Variants in LAT2 observed in about 807,000 individuals in gnomAD.
The protein encoded by LAT2 is linker for activation of T cells family member 2.
Under a neutral mutation model 43.4 loss-of-function variants are expected in LAT2, and 23 were observed. The ratio of observed to expected loss-of-function variants is 0.53; its 90% CI spans 0.38 to 0.75. The LOEUF is 0.75. Ranked by LOEUF, LAT2 falls within the 30% of genes least tolerant of loss-of-function variation. The probability of loss-of-function intolerance (pLI) is 0.00; values close to 1 mark genes in which losing one functional copy is unlikely to be tolerated. For synonymous variants in LAT2, 128 were observed against 123.2 expected, an observed-to-expected ratio of 1.04 and a Z score of -0.26; for missense variants, 284 against 310.2, an observed-to-expected ratio of 0.92 and a Z score of 0.64.
chr7:74,222,167 C>T (rs960645926), intron 10 of LAT2, among the ~76,000 whole-genome samples: 10 of 150,502 alleles, frequency 6.6e-5, no homozygotes, highest in Admixed American at 2.7e-4. Flanking sequence ...GGGTGGATCA[C>T]CTGAGGTCAG....
At chr7:74,226,787 A>G (rs1802506000) in intron 13 of LAT2, among the ~76,000 whole-genome samples, 2 of 152,172 alleles carry the variant, frequency 1.3e-5, no homozygotes, top group African/African-American at 2.4e-5. Context: ...CAGTGTTGCA[A>G]TTTAAGGAAG....
rs1802280704 is a variant in LAT2 at position 74,221,551 on chromosome 7, C to T, written c.333-86C>T. Reference sequence around the variant, plus strand: ...CCAAGAGGAGCAATGGTGGGAGCAGCCCTGGCCTCACCGCCCCCTTATGGA... The same window carrying T: ...CCAAGAGGAGCAATGGTGGGAGCAGTCCTGGCCTCACCGCCCCCTTATGGA... On this transcript the variant is annotated intron_variant, in intron 9 of 13. Coordinates refer to ENST00000460943, the MANE Select transcript of LAT2 (RefSeq NM_032464.3). 1.5e-5 allele frequency: 15 copies of T among 1,022,928 alleles called. No homozygotes were observed. The South Asian group carries it at 2.0e-4, about 14-fold the overall frequency. 63.4% of individuals were successfully genotyped at this position (1,022,928 alleles called of 1,614,324 possible).
At chr7:74,228,801 AG>A (rs1349673837) in intron 13 of LAT2, 142 bp from the exon 14 acceptor site, 1 of 151,768 alleles carries the variant, frequency 6.6e-6, no homozygotes, top group Non-Finnish European at 1.5e-5. Context: ...AAAAAAAAAA[AG>A]AAACCCAGTT....
intron 9 of LAT2, among the ~76,000 whole-genome samples, chr7:74,221,349 A>T (rs1326135525): frequency 7.5e-6 from 1 of 132,946 alleles, no homozygotes; most frequent in Admixed American, 8.8e-5. Context: ...TGGGAGGCTG[A>T]GGTTGCAGTG....
At chr7:74,225,104 C>A (rs1167227686) in intron 13 of LAT2, 2 of 187,916 alleles carry the variant, frequency 1.1e-5, no homozygotes, top group Non-Finnish European at 2.2e-5. Context: ...GAAGACATCG[C>A]ACACACGGCC....
rs200835890 is a variant in LAT2 at position 74,211,932 on chromosome 7, CTGTT to C, written c.-219+1849_-219+1852del. 3.6e-3 allele frequency among the ~76,000 whole-genome samples: 553 copies of C among 151,902 alleles called. 8 individuals carry two copies. The East Asian group carries it at 0.061, about 17-fold the overall frequency. On this transcript the variant is annotated intron_variant, in intron 1 of 13. Coordinates refer to ENST00000460943, the MANE Select transcript of LAT2 (RefSeq NM_032464.3). ...ATTCAGTCTGGGGGCAGACACATGACTGTTTGTTAAATTTCATTTTTTGTTTTTA... is the reference window on the plus strand; with the variant it reads ...ATTCAGTCTGGGGGCAGACACATGACTGTTAAATTTCATTTTTTGTTTTTA...
In LAT2 at chr7:74,214,269, AAT is replaced by A. The variant is rs1192686663; in HGVS notation, c.-218-543_-218-542del. On this transcript the variant is annotated intron_variant, in intron 1 of 13. Coordinates refer to ENST00000460943, the MANE Select transcript of LAT2 (RefSeq NM_032464.3). ...ATATATATAAATATATATATATGAA[AAT>A]ATATATATAAATATATATATGAAAA... 3.8e-4 allele frequency among the ~76,000 whole-genome samples: 27 copies of A among 71,864 alleles called. 1 individual carries two copies. Among genetic ancestry groups the A allele is most frequent in the Non-Finnish European group, 5.5e-4 (24 of 43,748 alleles). The allele number at this position is 71,864 out of a possible 152,430, so 47.1% of individuals were successfully genotyped here. A position where few individuals can be genotyped will look rare whatever the true frequency, so the allele number is the denominator to read the frequency against.
intron 1 of LAT2, among the ~76,000 whole-genome samples, chr7:74,212,306 A>C (rs1801760436): frequency 1.3e-5 from 2 of 151,294 alleles, no homozygotes; most frequent in African/African-American, 4.9e-5. Context: ...TTTGAGATGG[A>C]GTCTCACTCT....
At chr7:74,223,041 T>C (rs1443299843) in intron 10 of LAT2, among the ~76,000 whole-genome samples, 1 of 152,172 alleles carries the variant, frequency 6.6e-6, no homozygotes, top group Non-Finnish European at 1.5e-5. Context: ...CCCTGCCCTA[T>C]CTGGAAGAGT....
rs1554714927 is a variant in LAT2 at position 74,220,200 on chromosome 7, C to T, written c.228-17C>T. 6.2e-7 allele frequency: 1 copy of T among 1,601,130 alleles called. No individual in the cohort carries two copies. The highest frequency in any genetic ancestry group is 8.5e-7 in the Non-Finnish European group (1 of 1,172,874). Reference sequence around the variant, plus strand: ...CTACAGCCCCTCCTTTAACTCCCTCCTTCCCCCTCCCTGCAGGAAGGACAA... The same window carrying T: ...CTACAGCCCCTCCTTTAACTCCCTCTTTCCCCCTCCCTGCAGGAAGGACAA... On this transcript the variant is annotated splice_polypyrimidine_tract_variant and intron_variant, in intron 6 of 13. Transcript: ENST00000460943. The surrounding 1 kb of genome is among the most constrained non-coding windows in gnomAD (Gnocchi z 4.5).
intron 1 of LAT2, among the ~76,000 whole-genome samples, chr7:74,214,587 A>T (rs868918397): frequency 1.8e-3 from 1 of 560 alleles, no homozygotes. Flanking sequence ...TATATATATA[A>T]ATATATATAT....
At chr7:74,214,785 A>ATT (rs1801971948) in intron 1 of LAT2, 37 bp from the exon 2 acceptor site, 1 of 86,158 alleles carries the variant, frequency 1.2e-5, no homozygotes, top group Admixed American at 1.5e-4. Flanking sequence ...AAATATATAT[A>ATT]TATATATTTT....
chr7:74,219,458 G>A (rs1284154369), intron 4 of LAT2, among the ~76,000 whole-genome samples: 4 of 152,226 alleles, frequency 2.6e-5, no homozygotes, highest in Non-Finnish European at 4.4e-5. Context: ...CCGGCAGGAT[G>A]TGGCCCTGTT....
chr7:74,229,048 T>G lies in LAT2; in HGVS notation c.*123T>G, dbSNP rs1344786497. 1 of 152,260 alleles carries G rather than the reference T, an allele frequency of 6.6e-6. No homozygotes were observed. Among genetic ancestry groups the G allele is most frequent in the East Asian group, 1.9e-4 (1 of 5,192 alleles). 9.4% of individuals were successfully genotyped at this position (152,260 alleles called of 1,614,324 possible). On this transcript the variant is annotated 3_prime_UTR_variant, in exon 14 of 14. Coordinates refer to ENST00000460943, the MANE Select transcript of LAT2 (RefSeq NM_032464.3). ...TTTAAGCCCCTGCCATGGTTGCTCC[T>G]GGAAGGAGAACCAGCCACCCTGAGG...
chr7:74,214,407 T>TA (rs1222891787), intron 1 of LAT2, among the ~76,000 whole-genome samples: 1 of 66,320 alleles, frequency 1.5e-5, no homozygotes, highest in African/African-American at 6.2e-5. Context: ...TATATGAAAA[T>TA]ATATATATAA....
At position 74,219,655 on chromosome 7, in the gene LAT2, C is replaced by T. The variant is rs1563972338; in HGVS notation, c.135-89C>T. The T allele has an allele frequency of 3.2e-5, 49 of 1,521,374 alleles. 1 individual carries two copies. The South Asian group carries it at 5.3e-4, about 16-fold the overall frequency. The allele number at this position is 1,521,374 out of a possible 1,614,324, so 94.2% of individuals were successfully genotyped here. The stretch of plus-strand genomic sequence containing the variant: ...CCAGTCCGTCCCTCTGCTTTCCCTC[C>T]TCATCCCTGCCTGTCCCTCCCTCCT... On this transcript the variant is annotated intron_variant, in intron 4 of 13. Transcript: ENST00000460943.
At chr7:74,222,230 CAAAAAAAAAAA>C (rs113312443) in intron 10 of LAT2, among the ~76,000 whole-genome samples, 1 of 65,594 alleles carries the variant, frequency 1.5e-5, no homozygotes, top group Admixed American at 1.8e-4. Context: ...TACAAAAATA[CAAAAAAAAAAA>C]AAAAAAAAAA....
chr7:74,229,427 G>A lies in LAT2; in HGVS notation c.*502G>A, dbSNP rs1195632873. ...ATTTCAGAGTAGAGATTTCTGTGTT[G>A]TCTCCTAGAAAGCATTACATGTAGT... On this transcript the variant is annotated 3_prime_UTR_variant, in exon 14 of 14. Transcript: ENST00000460943. 1 of 152,810 alleles carries A rather than the reference G, an allele frequency of 6.5e-6. No individual in the cohort carries two copies. Among genetic ancestry groups the A allele is most frequent in the South Asian group, 2.1e-4 (1 of 4,830 alleles). The allele number at this position is 152,810 out of a possible 1,614,324, so 9.5% of individuals were successfully genotyped here. A position where few individuals can be genotyped will look rare whatever the true frequency, so the allele number is the denominator to read the frequency against.
intron 1 of LAT2, among the ~76,000 whole-genome samples, chr7:74,213,549 T>A (rs540742342): frequency 6.6e-6 from 1 of 151,536 alleles, no homozygotes; most frequent in Non-Finnish European, 1.5e-5. Context: ...CTCAGACTCC[T>A]GATTAGCTGG....
Sources: allele counts gnomAD v4.1 joint callset (sites outside exome capture counted in the v4.1 genomes callset), GRCh38; gene constraint gnomAD v4.1.1; non-coding constraint Gnocchi (gnomAD v3.1); transcripts MANE v1.5; gene names NCBI Gene and HGNC (gene_info 2026-07-23, HGNC 2026-07-21).